GNA13: variants seen among roughly 807,000 people sequenced by gnomAD.
The protein encoded by GNA13 is G protein subunit alpha 13.
GNA13 carries 4 observed loss-of-function variants against 33.5 expected under a neutral mutation model. The observed-to-expected ratio is 0.12, with a 90% CI of 0.06 to 0.27. The LOEUF is 0.27. Ranked by LOEUF, GNA13 falls within the 10% of genes least tolerant of loss-of-function variation. The pLI is 1.00. For missense variants in GNA13, 319 were observed against 487.2 expected, an observed-to-expected ratio of 0.65 and a Z score of 3.25; for synonymous variants, 176 against 183.8, an observed-to-expected ratio of 0.96 and a Z score of 0.34.
chr17:65,018,797 C>A (rs2143773930), intron 2 of GNA13, among the ~76,000 whole-genome samples: 2 of 152,300 alleles, frequency 1.3e-5, no homozygotes, highest in African/African-American at 4.8e-5. Context: ...GCGTGCCTTG[C>A]TCAGGAAGGC....
intron 2 of GNA13, among the ~76,000 whole-genome samples, chr17:65,041,568 A>G (rs1368882848): frequency 6.6e-6 from 1 of 152,070 alleles, no homozygotes; most frequent in Non-Finnish European, 1.5e-5. Flanking sequence ...AAGCTCTAAC[A>G]CCCTCTTTAA....
intron 2 of GNA13, among the ~76,000 whole-genome samples, chr17:65,032,260 G>A (rs1430035617): frequency 2.0e-5 from 3 of 152,000 alleles, no homozygotes; most frequent in African/African-American, 7.2e-5. Flanking sequence ...AAAGACAGAA[G>A]GTAATATTTA....
chr17:65,036,307 A>G (rs1264107875), intron 2 of GNA13, among the ~76,000 whole-genome samples: 1 of 152,212 alleles, frequency 6.6e-6, no homozygotes, highest in Non-Finnish European at 1.5e-5. Flanking sequence ...CCAAGTCCCG[A>G]TTTGGTCAAT....
chr17:65,016,182 G>A (rs1459965000), intron 3 of GNA13, among the ~76,000 whole-genome samples: 3 of 152,084 alleles, frequency 2.0e-5, no homozygotes, highest in Non-Finnish European at 2.9e-5. Flanking sequence ...ATACATGAAC[G>A]GGACAGCTAA....
chr17:65,056,226 G>C (rs12945514), intron 1 of GNA13, 85 bp downstream of exon 1: 1 of 818,614 alleles, frequency 1.2e-6, no homozygotes, highest in Non-Finnish European at 1.8e-6. Context: ...GCGACACAGC[G>C]GACCAGGGCG....
At chr17:65,049,902 T>C (rs1315124089) in intron 2 of GNA13, among the ~76,000 whole-genome samples, 2 of 152,020 alleles carry the variant, frequency 1.3e-5, no homozygotes, top group Non-Finnish European at 2.9e-5. Flanking sequence ...AAGTGAAGGG[T>C]AAGACCTAGT....
chr17:65,056,270 CCCCTGCCCTTAA>C, intron 1 of GNA13, 29 bp downstream of exon 1: 1 of 1,377,568 alleles, frequency 7.3e-7, no homozygotes, highest in Non-Finnish European at 1.0e-6. Context: ...CGCCCCAGCC[CCCCTGCCCTTAA>C]CCCCCGGCCC....
chr17:65,045,107 G>A (rs1306047759), intron 2 of GNA13, among the ~76,000 whole-genome samples: 2 of 150,190 alleles, frequency 1.3e-5, no homozygotes, highest in East Asian at 1.9e-4. Context: ...TAAAACAAAA[G>A]CAAATCTGAC....
intron 2 of GNA13, among the ~76,000 whole-genome samples, chr17:65,036,086 C>A (rs1263976046): frequency 6.6e-6 from 1 of 152,114 alleles, no homozygotes; most frequent in Admixed American, 6.6e-5. Flanking sequence ...GAAAGGAAAA[C>A]CCAGATGACT....
rs541564116 is a variant in GNA13, at chr17:65,010,382, C to T, written c.*3875G>A. On this transcript the variant is annotated 3_prime_UTR_variant, in exon 4 of 4. Transcript: ENST00000439174. ...TTTATTAATAAGCCCTAACCTCGTA[C>T]CATAAAAAAATGGGCATGTGCTGTA... Among the ~76,000 whole-genome samples the T allele has an allele frequency of 5.9e-4, 89 of 152,004 alleles. No individual in the cohort carries two copies. Among genetic ancestry groups the T allele is most frequent in the South Asian group, 5.0e-3 (24 of 4,808 alleles).
chr17:65,050,580 A>T (rs1278518491), intron 2 of GNA13, among the ~76,000 whole-genome samples: 1 of 152,114 alleles, frequency 6.6e-6, no homozygotes, highest in East Asian at 1.9e-4. Flanking sequence ...ATTTTTTTTT[A>T]AATTAGCTGG....
intron 2 of GNA13, among the ~76,000 whole-genome samples, chr17:65,043,759 C>A (rs1907548381): frequency 6.6e-6 from 1 of 152,102 alleles, no homozygotes; most frequent in Non-Finnish European, 1.5e-5. Context: ...ACGAAGAGTT[C>A]CACTAAAGTA....
intron 2 of GNA13, among the ~76,000 whole-genome samples, chr17:65,041,318 T>G (rs1907445271): frequency 6.6e-6 from 1 of 151,678 alleles, no homozygotes; most frequent in Non-Finnish European, 1.5e-5. Flanking sequence ...TTGGGGAGAG[T>G]GAGGTGGTAT....
In GNA13 at chr17:65,014,647, G is replaced by C. The variant is rs1906299838; in HGVS notation, c.744C>G (p.Ser248=). 3.1e-6 allele frequency: 5 copies of C among 1,614,126 alleles called. No homozygotes were observed. The highest frequency in any genetic ancestry group is 3.4e-6 in the Non-Finnish European group (4 of 1,179,990). ...TAAGCACCTGGTCAAATTCACTTGA[G>C]GAAACAAGGAAAAGTATTGATGTCA... ...DSVTSILFLV[S]SSEFDQVLME... is the part of the protein sequence containing the mutation. Residue 248 remains serine (S), a synonymous_variant, in exon 4 of 4, where the codon TCC becomes TCG. Transcript: ENST00000439174. The surrounding 1 kb of genome is among the most constrained non-coding windows in gnomAD (Gnocchi z 5.3).
intron 2 of GNA13, among the ~76,000 whole-genome samples, chr17:65,020,435 T>C (rs1906542298): frequency 6.6e-6 from 1 of 152,208 alleles, no homozygotes; most frequent in Admixed American, 6.5e-5. Flanking sequence ...TCCACTGATT[T>C]CAAGTTAAGT....
intron 3 of GNA13, among the ~76,000 whole-genome samples, chr17:65,017,338 A>G (rs1241223219): frequency 2.0e-5 from 3 of 152,194 alleles, no homozygotes; most frequent in Admixed American, 6.5e-5. Context: ...ACTTCATGCA[A>G]TCGAGTGCTA....
At chr17:65,045,331 C>T (rs1177196587) in intron 2 of GNA13, among the ~76,000 whole-genome samples, 1 of 151,882 alleles carries the variant, frequency 6.6e-6, no homozygotes, top group Non-Finnish European at 1.5e-5. Flanking sequence ...ACCAGCCTGG[C>T]CAACATGGTG....
intron 2 of GNA13, among the ~76,000 whole-genome samples, chr17:65,023,219 G>T (rs1906648974): frequency 6.6e-6 from 1 of 152,210 alleles, no homozygotes; most frequent in South Asian, 2.1e-4. Context: ...CTGTGTAAGG[G>T]TTACTCACTG....
At chr17:65,046,499 C>G (rs1907669724) in intron 2 of GNA13, among the ~76,000 whole-genome samples, 1 of 152,106 alleles carries the variant, frequency 6.6e-6, no homozygotes, top group South Asian at 2.1e-4. Flanking sequence ...GCTATGTTGG[C>G]CAGGCCGTTC....
Sources: allele counts gnomAD v4.1 joint callset (sites outside exome capture counted in the v4.1 genomes callset), GRCh38; gene constraint gnomAD v4.1.1; non-coding constraint Gnocchi (gnomAD v3.1); transcripts MANE v1.5; gene names NCBI Gene and HGNC (gene_info 2026-07-23, HGNC 2026-07-21).